MCPH1: variants seen among roughly 807,000 people sequenced by gnomAD.
MCPH1 encodes microcephalin.
A neutral mutation model predicts 84.5 loss-of-function variants in MCPH1; 104 were observed. The ratio of observed to expected loss-of-function variants is 1.23; its 90% CI spans 1.05 to 1.45. MCPH1 has a LOEUF of 1.45. Ranked by LOEUF, MCPH1 falls within the 40% of genes most tolerant of loss-of-function variation. The probability of loss-of-function intolerance (pLI) is 0.00; values close to 1 mark genes in which losing one functional copy is unlikely to be tolerated. For synonymous variants in MCPH1, 514 were observed against 366.8 expected, an observed-to-expected ratio of 1.40 and a Z score of -4.58; for missense variants, 1,498 against 1,005.7, an observed-to-expected ratio of 1.49 and a Z score of -6.62.
intron 12 of MCPH1, among the ~76,000 whole-genome samples, chr8:6,557,204 GTGTTTGC>G (rs1563123136): frequency 1.3e-5 from 2 of 152,084 alleles, no homozygotes; most frequent in African/African-American, 4.8e-5. Context: ...GTGCTTTCCC[GTGTTTGC>G]TTTACCGCTG....
intron 2 of MCPH1, among the ~76,000 whole-genome samples, chr8:6,413,711 A>G (rs564914059): frequency 6.6e-6 from 1 of 150,674 alleles, no homozygotes; most frequent in South Asian, 2.1e-4. Context: ...TTAGGATCCT[A>G]TTAAAAAATA....
intron 7 of MCPH1, among the ~76,000 whole-genome samples, chr8:6,443,519 A>G (rs553151177): frequency 2.0e-5 from 3 of 152,346 alleles, no homozygotes; most frequent in South Asian, 2.1e-4. Context: ...AGTGATTTCT[A>G]CAAAACACAG....
intron 3 of MCPH1, among the ~76,000 whole-genome samples, chr8:6,427,237 G>A (rs1432188824): frequency 1.3e-5 from 2 of 152,216 alleles, no homozygotes; most frequent in African/African-American, 4.8e-5. Flanking sequence ...AGTTGCTGTG[G>A]TTGAGTCGTT....
chr8:6,588,311 T>C (rs901570371), intron 12 of MCPH1, among the ~76,000 whole-genome samples: 1 of 151,762 alleles, frequency 6.6e-6, no homozygotes, highest in Non-Finnish European at 1.5e-5. Flanking sequence ...GTCACCGTTA[T>C]CAGAGCAAGA....
intron 9 of MCPH1, among the ~76,000 whole-genome samples, chr8:6,466,864 A>T (rs1022583395): frequency 6.6e-6 from 1 of 152,126 alleles, no homozygotes; most frequent in Non-Finnish European, 1.5e-5. Flanking sequence ...GGTTGAGCCA[A>T]CGCGCCCTGC....
In MCPH1 at chr8:6,527,767, A is replaced by T. The variant is rs371132806; in HGVS notation, c.2214+27838A>T. On this transcript the variant is annotated intron_variant, in intron 12 of 13. Transcript: ENST00000344683. ...TTCATTAAAGTACCCAAGCTACAGGAAAACATAACAAAAACATTATTTATT... is the reference window on the plus strand; with the variant it reads ...TTCATTAAAGTACCCAAGCTACAGGTAAACATAACAAAAACATTATTTATT... 1.3e-5 allele frequency: 15 copies of T among 1,179,662 alleles called. No individual in the cohort carries two copies. In the African/African-American group the frequency reaches 1.7e-4, roughly 14 times the overall value. The allele number at this position is 1,179,662 out of a possible 1,614,324, so 73.1% of individuals were successfully genotyped here. A position where few individuals can be genotyped will look rare whatever the true frequency, so the allele number is the denominator to read the frequency against.
At chr8:6,462,217 T>C (rs1440297835) in intron 9 of MCPH1, among the ~76,000 whole-genome samples, 1 of 152,208 alleles carries the variant, frequency 6.6e-6, no homozygotes, top group Admixed American at 6.5e-5. Context: ...TTCCTGAAAG[T>C]TTCTCAAATA....
rs1387009269 is a variant in MCPH1, at chr8:6,588,929, G to A, written c.2215-32525G>A. 2.0e-5 allele frequency among the ~76,000 whole-genome samples: 3 copies of A among 152,204 alleles called. No individual in the cohort carries two copies. In the East Asian group the frequency reaches 5.8e-4, roughly 29 times the overall value. The stretch of plus-strand genomic sequence containing the variant: ...TTTATAGTCTACCTGCTACTTATAG[G>A]CCACCAGGACAAAGGATCAAGGTGG... On this transcript the variant is annotated intron_variant, in intron 12 of 13. Transcript: ENST00000344683.
intron 12 of MCPH1, among the ~76,000 whole-genome samples, chr8:6,527,147 G>C (rs1435635999): frequency 1.3e-5 from 2 of 152,182 alleles, no homozygotes; most frequent in South Asian, 2.1e-4. Context: ...TCACTCCACA[G>C]CACTAGCTGT....
In MCPH1 at chr8:6,645,894, A is replaced by T. The variant is rs1339490629; in HGVS notation, c.*2845A>T. The T allele has an allele frequency of 2.6e-5, 4 of 152,224 alleles. No individual in the cohort carries two copies. The highest frequency in any genetic ancestry group is 3.2e-3 in the Middle Eastern group (1 of 316). The allele number at this position is 152,224 out of a possible 1,614,324, so 9.4% of individuals were successfully genotyped here. On this transcript the variant is annotated 3_prime_UTR_variant, in exon 14 of 14. Transcript: ENST00000344683. ...TAAAGACTTCTTTAAATAGAGACAT[A>T]TACAAAGTTCATAGATTAGAAGATG... is the stretch of plus-strand genomic sequence containing the variant.
At chr8:6,421,029 G>A (rs1800118336) in intron 3 of MCPH1, among the ~76,000 whole-genome samples, 1 of 152,174 alleles carries the variant, frequency 6.6e-6, no homozygotes, top group Non-Finnish European at 1.5e-5. Flanking sequence ...GGGATTTGTA[G>A]GCTCGCCCTT....
At chr8:6,497,533 G>A (rs1456505852) in intron 11 of MCPH1, among the ~76,000 whole-genome samples, 1 of 151,994 alleles carries the variant, frequency 6.6e-6, no homozygotes, top group Non-Finnish European at 1.5e-5. Flanking sequence ...AAACAGCTTA[G>A]GGAAGAGCTG....
At chr8:6,565,448 C>T (rs1471785092) in intron 12 of MCPH1, among the ~76,000 whole-genome samples, 1 of 152,030 alleles carries the variant, frequency 6.6e-6, no homozygotes, top group East Asian at 1.9e-4. Flanking sequence ...TTTGTAGAGA[C>T]GGGGTCTCAC....
intron 12 of MCPH1, among the ~76,000 whole-genome samples, chr8:6,580,629 C>T (rs1827491028): frequency 6.6e-6 from 1 of 151,996 alleles, no homozygotes; most frequent in South Asian, 2.1e-4. Flanking sequence ...CCAGCCTGGG[C>T]TACAGAGCAA....
chr8:6,441,841 AATCC>A (rs1310362089), intron 6 of MCPH1, among the ~76,000 whole-genome samples: 2 of 152,216 alleles, frequency 1.3e-5, no homozygotes, highest in Non-Finnish European at 2.9e-5. Context: ...CTTGAAGAAA[AATCC>A]ATGATTATCA....
chr8:6,547,661 G>A (rs1172075992), intron 12 of MCPH1, among the ~76,000 whole-genome samples: 1 of 151,924 alleles, frequency 6.6e-6, no homozygotes, highest in Non-Finnish European at 1.5e-5. Context: ...TTTGAGTGAC[G>A]GTGTGTGACA....
At chr8:6,601,755 A>G (rs1563174236) in intron 12 of MCPH1, among the ~76,000 whole-genome samples, 1 of 140,536 alleles carries the variant, frequency 7.1e-6, no homozygotes, top group African/African-American at 3.1e-5. Flanking sequence ...CCCACACCAC[A>G]CACACACACA....
chr8:6,509,278 T>G (rs1339204246), intron 12 of MCPH1, among the ~76,000 whole-genome samples: 1 of 151,428 alleles, frequency 6.6e-6, no homozygotes. Flanking sequence ...CATGAAACCT[T>G]CAACACATAT....
At chr8:6,484,773 C>G (rs1294761454) in intron 11 of MCPH1, among the ~76,000 whole-genome samples, 2 of 152,214 alleles carry the variant, frequency 1.3e-5, no homozygotes, top group Admixed American at 1.3e-4. Flanking sequence ...CAGAAGGTCA[C>G]ATGCTGTATA....
Sources: allele counts gnomAD v4.1 joint callset (sites outside exome capture counted in the v4.1 genomes callset), GRCh38; gene constraint gnomAD v4.1.1; transcripts MANE v1.5; gene names NCBI Gene and HGNC (gene_info 2026-07-23, HGNC 2026-07-21).